DCAF6: variants seen among roughly 807,000 people sequenced by gnomAD.
DCAF6 encodes DDB1 and CUL4 associated factor 6.
Under a neutral mutation model 125.1 loss-of-function variants are expected in DCAF6, and 54 were observed. The observed-to-expected ratio is 0.43, with a 90% confidence interval of 0.35 to 0.54. The LOEUF (loss-of-function observed/expected upper bound fraction) is 0.54, where lower values mean the gene tolerates loss of function less well. Among genes scored for constraint, DCAF6 ranks in the 20% least tolerant of loss-of-function variants. The pLI is 0.01. For synonymous variants in DCAF6, 371 were observed against 390.4 expected (o/e 0.95, Z 0.58); for missense variants, 934 against 1,161.7 (o/e 0.80, Z 2.85).
Position 167,987,579 on chromosome 1 carries a change from A to G in DCAF6, c.523A>G (p.Thr175Ala). 3 of 1,598,928 alleles carry G rather than the reference A, an allele frequency of 1.9e-6. No homozygotes were observed. Among genetic ancestry groups the G allele is most frequent in the Non-Finnish European group, 2.6e-6 (3 of 1,167,418 alleles). Residue 175 changes from threonine to alanine, a missense_variant, in exon 5 of 22, where the codon ACT (threonine) becomes GCT (alanine). By Grantham distance (58) the Thr-to-Ala change is moderately conservative. Coordinates refer to ENST00000367840, the MANE Select transcript of DCAF6 (RefSeq NM_001198956.2). ...TAGGTGGTTTGATACACGCATCAAAACTAGCTGCACAAAAGAAGATTGTAA... is the reference window on the plus strand; with the variant it reads ...TAGGTGGTTTGATACACGCATCAAAGCTAGCTGCACAAAAGAAGATTGTAA... ...TVRWFDTRIK[T>A]SCTKEDCKDD...
At chr1:167,893,770 G>GTTT in the DCAF6 span, 11 of 741,618 alleles carry the variant, frequency 1.5e-5, no homozygotes, top group South Asian at 5.3e-5. Flanking sequence ...AGTAGCTGCT[G>GTTT]TTTTTTTTTT....
intron 21 of DCAF6, among the ~76,000 whole-genome samples, chr1:168,068,893 A>G (rs1379435631): frequency 6.6e-6 from 1 of 152,186 alleles, no homozygotes; most frequent in Non-Finnish European, 1.5e-5. Context: ...AGTGCCACAG[A>G]TACATAAAAA....
chr1:167,883,336 C>A, the DCAF6 span: 1 of 1,361,954 alleles, frequency 7.3e-7, no homozygotes. Context: ...CCACGCCCAG[C>A]CTCTAGGTTA....
the DCAF6 span, chr1:167,901,827 G>A: frequency 6.4e-5 from 103 of 1,613,974 alleles, no homozygotes; most frequent in Non-Finnish European, 8.3e-5. Context: ...GACATGCCGC[G>A]GGCTTTTGAC....
intron 10 of DCAF6, among the ~76,000 whole-genome samples, chr1:168,005,408 T>C (rs1683210449): frequency 1.3e-5 from 2 of 152,130 alleles, no homozygotes; most frequent in African/African-American, 4.8e-5. Flanking sequence ...CTCAGTATTA[T>C]AAGTCTTTAT....
At chr1:167,903,180 T>C in the DCAF6 span, among the ~76,000 whole-genome samples, 1 of 151,844 alleles carries the variant, frequency 6.6e-6, no homozygotes, top group African/African-American at 2.4e-5. Flanking sequence ...CGCTTGAACC[T>C]GGGAGGCAGA....
chr1:168,061,083 A>T (rs1455866658), intron 17 of DCAF6, among the ~76,000 whole-genome samples: 2 of 152,204 alleles, frequency 1.3e-5, no homozygotes, highest in African/African-American at 4.8e-5. Flanking sequence ...CAGAAAAATG[A>T]GAGATCCAAG....
intron 1 of DCAF6, among the ~76,000 whole-genome samples, chr1:167,951,273 C>T (rs536697769): frequency 2.6e-5 from 4 of 152,296 alleles, no homozygotes; most frequent in Middle Eastern, 3.4e-3. Context: ...TAAGCCCTTT[C>T]TGTCCTTAAA....
chr1:167,893,788 C>A, the DCAF6 span: 26 of 950,422 alleles, frequency 2.7e-5, no homozygotes, highest in East Asian at 2.3e-4. Context: ...TTTCTTAAAT[C>A]TTAAAATTCC....
At chr1:167,939,802 T>C (rs1371979552) in intron 1 of DCAF6, among the ~76,000 whole-genome samples, 4 of 148,482 alleles carry the variant, frequency 2.7e-5, no homozygotes, top group East Asian at 1.9e-4. Flanking sequence ...GGTACACTTA[T>C]AAAGCCTTCC....
the DCAF6 span, chr1:167,878,553 A>T: frequency 1.2e-6 from 2 of 1,614,168 alleles, no homozygotes; most frequent in South Asian, 2.2e-5. Context: ...GGTTGCTCCC[A>T]TTGTAGGTGA....
intron 17 of DCAF6, among the ~76,000 whole-genome samples, chr1:168,063,035 C>T (rs1463489990): frequency 6.6e-6 from 1 of 151,878 alleles, no homozygotes; most frequent in African/African-American, 2.4e-5. Context: ...CCTCAGCCTC[C>T]CGAGTAGCTG....
At chr1:168,037,053 C>T (rs919490100) in intron 12 of DCAF6, among the ~76,000 whole-genome samples, 3 of 151,250 alleles carry the variant, frequency 2.0e-5, no homozygotes, top group Non-Finnish European at 4.4e-5. Context: ...TGTTAATTGT[C>T]CTCTCACAGA....
At chr1:167,995,525 C>A (rs540191663) in intron 7 of DCAF6, among the ~76,000 whole-genome samples, 14 of 151,832 alleles carry the variant, frequency 9.2e-5, no homozygotes, top group Non-Finnish European at 1.9e-4. Flanking sequence ...ACTGAAAATA[C>A]AAAAATTAGC....
At chr1:167,986,498 A>G (rs1680028420) in intron 4 of DCAF6, among the ~76,000 whole-genome samples, 1 of 152,206 alleles carries the variant, frequency 6.6e-6, no homozygotes, top group Non-Finnish European at 1.5e-5. Flanking sequence ...TTGTATACAG[A>G]AAACCATGTA....
chr1:167,878,454 A>G, the DCAF6 span: 1 of 1,613,920 alleles, frequency 6.2e-7, no homozygotes, highest in Non-Finnish European at 8.5e-7. Context: ...ACACTTTCTC[A>G]GTACGGCCCC....
At chr1:168,032,449 C>T (rs966999400) in intron 12 of DCAF6, among the ~76,000 whole-genome samples, 1 of 152,140 alleles carries the variant, frequency 6.6e-6, no homozygotes, top group Non-Finnish European at 1.5e-5. Context: ...GATTCCCTGA[C>T]CTATGAACAT....
intron 12 of DCAF6, among the ~76,000 whole-genome samples, chr1:168,027,811 A>C (rs557992809): frequency 6.6e-6 from 1 of 152,240 alleles, no homozygotes; most frequent in African/African-American, 2.4e-5. Flanking sequence ...GTCTTTGCTT[A>C]TTTATCCTGA....
chr1:167,901,297 T>C, the DCAF6 span, among the ~76,000 whole-genome samples: 1 of 152,156 alleles, frequency 6.6e-6, no homozygotes, highest in Non-Finnish European at 1.5e-5. Context: ...AACTATGTAA[T>C]GGCAAGCTAG....
Sources: gnomAD v4.1 joint callset for allele counts (sites outside exome capture counted in the v4.1 genomes callset) on GRCh38, gnomAD v4.1.1 for gene constraint, MANE v1.5 for transcripts, NCBI Gene and HGNC (gene_info 2026-07-23, HGNC 2026-07-21) for gene names.